The following ANKRD28 variants were observed in gnomAD, a reference collection of about 807,000 sequenced individuals.
ANKRD28 encodes the protein serine/threonine-protein phosphatase 6 regulatory ankyrin repeat subunit A.
ANKRD28 carries 44 observed loss-of-function variants against 126.5 expected under a neutral mutation model. The ratio of observed to expected loss-of-function variants is 0.35; its 90% CI spans 0.27 to 0.45. ANKRD28 has a LOEUF of 0.45. Ranked by LOEUF, ANKRD28 falls within the 20% of genes least tolerant of loss-of-function variation. The probability of loss-of-function intolerance (pLI) is 1.00; values close to 1 mark genes in which losing one functional copy is unlikely to be tolerated. For synonymous variants in ANKRD28, 442 were observed against 468.5 expected (o/e 0.94, Z 0.73); for missense variants, 1,110 against 1,316.6 (o/e 0.84, Z 2.43).
chr3:15,720,812 T>G, intron 8 of ANKRD28, 103 bp downstream of exon 8: 1 of 1,022,522 alleles, frequency 9.8e-7, no homozygotes, highest in Non-Finnish European at 1.4e-6. Flanking sequence ...TCCATGTTCT[T>G]GAGTTTATCA....
intron 1 of ANKRD28, among the ~76,000 whole-genome samples, chr3:15,850,818 C>T (rs772385668): frequency 1.3e-5 from 2 of 152,092 alleles, no homozygotes; most frequent in Non-Finnish European, 2.9e-5. Context: ...TTAATCAAAC[C>T]CAAGGAGGGG....
chr3:15,738,119 A>G (rs1254657024), intron 4 of ANKRD28, among the ~76,000 whole-genome samples: 1 of 152,202 alleles, frequency 6.6e-6, no homozygotes, highest in Non-Finnish European at 1.5e-5. Flanking sequence ...TAAACTCAAC[A>G]AAATTTTTCT....
chr3:15,757,903 A>T (rs1187118201), intron 3 of ANKRD28, among the ~76,000 whole-genome samples: 1 of 152,196 alleles, frequency 6.6e-6, no homozygotes, highest in East Asian at 1.9e-4. Context: ...ACAGAGCCAC[A>T]TCTATTCAAT....
intron 6 of ANKRD28, among the ~76,000 whole-genome samples, chr3:15,725,764 T>G (rs775740058): frequency 1.1e-4 from 16 of 152,148 alleles, no homozygotes; most frequent in Non-Finnish European, 1.5e-4. Flanking sequence ...GGTGAACTGA[T>G]CAGGCACGGT....
upstream of ANKRD28, among the ~76,000 whole-genome samples, chr3:15,801,321 T>C (rs762454331): frequency 6.6e-6 from 1 of 152,172 alleles, no homozygotes; most frequent in Non-Finnish European, 1.5e-5. The surrounding 1 kb of genome is among the most constrained non-coding windows in gnomAD (Gnocchi z 4.9). Context: ...TACACCTGAA[T>C]TTCTTTTTTT....
At chr3:15,717,588 C>T (rs1487482987) in intron 8 of ANKRD28, among the ~76,000 whole-genome samples, 1 of 151,844 alleles carries the variant, frequency 6.6e-6, no homozygotes, top group Non-Finnish European at 1.5e-5. Flanking sequence ...AACAGTTGAT[C>T]TCACAGGCAA....
At chr3:15,680,596 G>T (rs2067435021) in intron 21 of ANKRD28, among the ~76,000 whole-genome samples, 1 of 152,078 alleles carries the variant, frequency 6.6e-6, no homozygotes. Context: ...TAAAGTGATT[G>T]CTAGTTTAAA....
Position 15,796,863 on chromosome 3 carries a change from T to C in ANKRD28, c.-342A>G, listed in dbSNP as rs2060300182. 1 of 988,282 alleles carries C rather than the reference T, an allele frequency of 1.0e-6. No homozygotes were observed. Among genetic ancestry groups the C allele is most frequent in the Non-Finnish European group, 1.2e-6 (1 of 831,670 alleles). The allele number at this position is 988,282 out of a possible 1,614,324, so 61.2% of individuals were successfully genotyped here. On this transcript the variant is annotated 5_prime_UTR_variant, in exon 1 of 28. Transcript: ENST00000683139. Reference sequence around the variant, plus strand: ...CTACCAAAATAGTCTTATTGCTCTATCTCTGAAATTTACTTGCACAAAACA... The same window carrying C: ...CTACCAAAATAGTCTTATTGCTCTACCTCTGAAATTTACTTGCACAAAACA...
chr3:15,693,680 C>T (rs560503443), intron 17 of ANKRD28, among the ~76,000 whole-genome samples: 338 of 152,186 alleles, frequency 2.2e-3, no homozygotes, highest in Non-Finnish European at 3.7e-3. Context: ...GCTATTTCTT[C>T]CATGCTGGCT....
intron 14 of ANKRD28, among the ~76,000 whole-genome samples, chr3:15,698,063 G>A (rs1003459405): frequency 2.6e-5 from 4 of 151,844 alleles, no homozygotes; most frequent in African/African-American, 9.7e-5. Context: ...GTATTTCTTT[G>A]AGCTCGGTGG....
chr3:15,794,539 G>C (rs1165198935), intron 2 of ANKRD28, among the ~76,000 whole-genome samples: 1 of 151,908 alleles, frequency 6.6e-6, no homozygotes, highest in East Asian at 1.9e-4. Flanking sequence ...AGTACGTAAT[G>C]TACTTTCAGC....
chr3:15,796,415 C>T lies in ANKRD28; in HGVS notation c.107G>A (p.Gly36Glu). Residue 36 changes from glycine (G) to glutamate (E), a missense_variant, in exon 1 of 28, where the codon GGA becomes GAA. Coordinates refer to ENST00000683139, the MANE Select transcript of ANKRD28 (RefSeq NM_001349278.2). ...ENKSLHSPPS[G>E]NVLPSLVQAI... ...ACTTACATATCTTACCAATACATTT[C>T]CAGAAGGTGGAGAATGTAGGGATTT... is the stretch of plus-strand genomic sequence containing the variant. The T allele has an allele frequency of 7.8e-7, 1 of 1,286,124 alleles. No homozygotes were observed. The highest frequency in any genetic ancestry group is 1.2e-5 in the South Asian group (1 of 80,776). 79.7% of individuals were successfully genotyped at this position (1,286,124 alleles called of 1,614,324 possible).
At chr3:15,793,315 C>T (rs939946906) in intron 2 of ANKRD28, among the ~76,000 whole-genome samples, 4 of 152,262 alleles carry the variant, frequency 2.6e-5, no homozygotes, top group African/African-American at 9.6e-5. Flanking sequence ...TTTAAGGCAA[C>T]ACTCTCAACT....
chr3:15,761,009 C>A (rs1033585368), intron 3 of ANKRD28, among the ~76,000 whole-genome samples: 1 of 152,158 alleles, frequency 6.6e-6, no homozygotes, highest in African/African-American at 2.4e-5. Flanking sequence ...GAAATATGAA[C>A]ACAGAAGGAA....
chr3:15,670,387 C>G lies in ANKRD28; in HGVS notation c.3135G>C (p.Leu1045Phe). ...NTSKTVSFEA[L>F]PIMRNEPSSY... Reference sequence around the variant, plus strand: ...AGCTAGGTTCATTCCTCATGATGGGCAAAGCTTCAAAGCTGACTGTTTTTG... The same window carrying G: ...AGCTAGGTTCATTCCTCATGATGGGGAAAGCTTCAAAGCTGACTGTTTTTG... The change falls in exon 28 of 28, where the codon TTG becomes TTC. Residue 1045 changes from leucine to phenylalanine, a missense_variant. By Grantham distance (22) the Leu-to-Phe change is conservative. Coordinates refer to ENST00000683139, the MANE Select transcript of ANKRD28 (RefSeq NM_001349278.2). 6.2e-7 allele frequency: 1 copy of G among 1,613,892 alleles called. No homozygotes were observed. Among genetic ancestry groups the G allele is most frequent in the Non-Finnish European group, 8.5e-7 (1 of 1,179,868 alleles).
In ANKRD28 at chr3:15,677,079, A is replaced by G. The variant is rs749512053; in HGVS notation, c.2791-23T>C. On this transcript the variant is annotated intron_variant, in intron 25 of 27. Coordinates refer to ENST00000683139, the MANE Select transcript of ANKRD28 (RefSeq NM_001349278.2). ...ACCCTATAATTGTGGCAGATAAGTT[A>G]TAAAAACTTGAGCACCATTAAAGAT... The G allele has an allele frequency of 1.8e-5, 29 of 1,595,368 alleles. No individual in the cohort carries two copies. In the Admixed American group the frequency reaches 4.8e-4, roughly 27 times the overall value.
intron 8 of ANKRD28, among the ~76,000 whole-genome samples, chr3:15,716,261 C>A (rs901814520): frequency 1.3e-5 from 2 of 149,892 alleles, no homozygotes; most frequent in Non-Finnish European, 3.0e-5. Context: ...GGATTACAGG[C>A]ATGAGCCACC....
chr3:15,761,135 AACTG>A (rs759260345), intron 3 of ANKRD28, among the ~76,000 whole-genome samples: 26 of 152,220 alleles, frequency 1.7e-4, no homozygotes, highest in African/African-American at 2.9e-4. Context: ...AAATTACAGT[AACTG>A]ACTATTGTAT....
At chr3:15,686,856 T>C (rs1317238680) in intron 18 of ANKRD28, among the ~76,000 whole-genome samples, 1 of 152,018 alleles carries the variant, frequency 6.6e-6, no homozygotes, top group Non-Finnish European at 1.5e-5. Flanking sequence ...ACAACATGAA[T>C]GCAAATGTAA....
Sources: allele counts gnomAD v4.1 joint callset (sites outside exome capture counted in the v4.1 genomes callset), GRCh38; gene constraint gnomAD v4.1.1; non-coding constraint Gnocchi (gnomAD v3.1); transcripts MANE v1.5; gene names NCBI Gene and HGNC (gene_info 2026-07-23, HGNC 2026-07-21).